CFAP92: variants seen among roughly 807,000 people sequenced by gnomAD.
CFAP92 encodes the protein cilia and flagella associated protein 92 (putative).
In CFAP92, 86 loss-of-function variants were observed where a neutral mutation model predicts 106.3. That is an observed-to-expected ratio of 0.81 (90% confidence interval 0.68 to 0.97). The LOEUF (loss-of-function observed/expected upper bound fraction) is 0.97. Ranked by LOEUF, CFAP92 falls within the 50% of genes least tolerant of loss-of-function variation. The probability of loss-of-function intolerance (pLI) is 0.00; values close to 1 mark genes in which losing one functional copy is unlikely to be tolerated. For synonymous variants in CFAP92, 477 were observed against 506.4 expected (o/e 0.94, Z 0.78); for missense variants, 1,204 against 1,283.8 (o/e 0.94, Z 0.95).
intron 9 of CFAP92, among the ~76,000 whole-genome samples, chr3:128,964,640 G>T (rs1942226317): frequency 6.6e-6 from 1 of 152,158 alleles, no homozygotes; most frequent in Admixed American, 6.5e-5. Context: ...CCAATTCTTA[G>T]ACCTTTTATA....
In CFAP92 at chr3:128,945,699, A is replaced by T. The variant is rs1458986127; in HGVS notation, c.1630T>A (p.Ser544Thr). 6.5e-7 allele frequency: 1 copy of T among 1,535,842 alleles called. No homozygotes were observed. Among genetic ancestry groups the T allele is most frequent in the Non-Finnish European group, 8.7e-7 (1 of 1,146,902 alleles). ...GGGTTGTTCTCTGTCTCTCTGGGAG[A>T]GATGAGGGCCTGGAAGTTGAGGTAT... The part of the protein sequence containing the change: ...DSYLNFQALI[S>T]PRETENNPFE... The change falls in exon 10 of 16, where the codon TCT (serine) becomes ACT (threonine). Residue 544 changes from serine to threonine, a missense_variant. Physicochemically the swap from Ser to Thr is moderately conservative, Grantham distance 58. Transcript: ENST00000645291.
Position 128,991,187 on chromosome 3 carries a change from A to C in CFAP92, c.262+1856T>G, listed in dbSNP as rs138115244. ...TGAGGGCTAAAGGAGGTCAAGTGCCAATTTTCTTTTGGTTGGTATTTGCCA... is the reference window on the plus strand; with the variant it reads ...TGAGGGCTAAAGGAGGTCAAGTGCCCATTTTCTTTTGGTTGGTATTTGCCA... On this transcript the variant is annotated intron_variant, in intron 2 of 15. Transcript: ENST00000645291. Among the ~76,000 whole-genome samples the C allele has an allele frequency of 4.7e-3, 719 of 152,286 alleles. 4 individuals carry two copies. Among genetic ancestry groups the C allele is most frequent in the African/African-American group, 0.016 (672 of 41,546 alleles).
At chr3:128,971,103 G>T in intron 8 of CFAP92, 184 bp downstream of exon 8, 1 of 825,580 alleles carries the variant, frequency 1.2e-6, no homozygotes, top group Non-Finnish European at 1.9e-6. Context: ...AGGCAAGGTA[G>T]CTACCCTCTC....
chr3:129,001,221 G>C (rs931738079), intron 1 of CFAP92, among the ~76,000 whole-genome samples: 1 of 152,224 alleles, frequency 6.6e-6, no homozygotes, highest in Non-Finnish European at 1.5e-5. Flanking sequence ...CCCAGGTCTC[G>C]GAGCGAACTC....
upstream of CFAP92, chr3:128,994,162 C>G: frequency 4.1e-6 from 4 of 985,516 alleles, no homozygotes; most frequent in South Asian, 1.4e-4. Context: ...CGAGGGCGTG[C>G]GGCCTGGGGG....
At chr3:128,959,304 T>G (rs1046669707) in intron 9 of CFAP92, among the ~76,000 whole-genome samples, 2 of 152,020 alleles carry the variant, frequency 1.3e-5, no homozygotes, top group African/African-American at 2.4e-5. Context: ...AGGTTCAACT[T>G]CAATGAAAAT....
rs1408275214 is a variant in CFAP92 at position 128,945,977 on chromosome 3, T to C, written c.1354-2A>G. The C allele has an allele frequency of 2.1e-6, 3 of 1,428,196 alleles. No individual in the cohort carries two copies. Among genetic ancestry groups the C allele is most frequent in the Admixed American group, 3.0e-5 (1 of 33,384 alleles). The allele number at this position is 1,428,196 out of a possible 1,614,324, so 88.5% of individuals were successfully genotyped here. ...GCAGTACACAGGCATGCACAGCCTC[T>C]ACGAGAGAGCAGGGCCACAGCAGGT... On this transcript the variant is annotated splice_acceptor_variant, in intron 9 of 15. Transcript: ENST00000645291. LOFTEE classifies it high-confidence loss of function.
At chr3:128,997,971 C>T (rs1944542515), upstream of CFAP92, among the ~76,000 whole-genome samples, 1 of 152,148 alleles carries the variant, frequency 6.6e-6, no homozygotes, top group Non-Finnish European at 1.5e-5. Flanking sequence ...GATTTATTGC[C>T]TGTTTTATTC....
intron 12 of CFAP92, among the ~76,000 whole-genome samples, chr3:128,921,637 C>G (rs992084792): frequency 6.6e-6 from 1 of 152,196 alleles, no homozygotes; most frequent in Non-Finnish European, 1.5e-5. Context: ...AATCAAAAGG[C>G]AAAAACTACC....
chr3:128,994,802 G>T (rs539399507), upstream of CFAP92, among the ~76,000 whole-genome samples: 24 of 152,200 alleles, frequency 1.6e-4, no homozygotes, highest in Non-Finnish European at 3.1e-4. Flanking sequence ...TGGGACAGAG[G>T]GCTGGGGTAG....
At chr3:129,016,739 G>C in the CFAP92 span, among the ~76,000 whole-genome samples, 1 of 152,092 alleles carries the variant, frequency 6.6e-6, no homozygotes, top group African/African-American at 2.4e-5. Flanking sequence ...GAGGCAGGAG[G>C]GGGCGGAACT....
chr3:128,952,034 A>G (rs1375746882), intron 9 of CFAP92, among the ~76,000 whole-genome samples: 1 of 151,528 alleles, frequency 6.6e-6, no homozygotes, highest in African/African-American at 2.4e-5. Context: ...TGAGATGGTA[A>G]CTCTCTCATC....
Position 128,945,835 on chromosome 3 carries a change from T to G in CFAP92, c.1494A>C (p.Leu498=), listed in dbSNP as rs781608419. 1 of 1,515,350 alleles carries G rather than the reference T, an allele frequency of 6.6e-7. No individual in the cohort carries two copies. 93.9% of individuals were successfully genotyped at this position (1,515,350 alleles called of 1,614,324 possible). ...TGGGGGGGCCCTCCAGGTATTCCCTTAGGTCACTGGGGTGCAGTGCCCCAA... is the reference window on the plus strand; with the variant it reads ...TGGGGGGGCCCTCCAGGTATTCCCTGAGGTCACTGGGGTGCAGTGCCCCAA... ...IFLGALHPSD[L]REYLEGPPMV... Residue 498 remains leucine, a synonymous_variant, in exon 10 of 16, where the codon CTA becomes CTC. Coordinates refer to ENST00000645291, the MANE Select transcript of CFAP92 (RefSeq NM_001394090.1).
chr3:129,005,220 G>A (rs79239868), upstream of CFAP92, among the ~76,000 whole-genome samples: 3,081 of 152,370 alleles, frequency 0.02, 117 homozygotes, highest in African/African-American at 0.069. Context: ...GAACAGATGC[G>A]TGGCAGCAGG....
chr3:128,948,155 C>T (rs925677640), intron 9 of CFAP92, among the ~76,000 whole-genome samples: 2 of 151,966 alleles, frequency 1.3e-5, no homozygotes, highest in African/African-American at 4.8e-5. Flanking sequence ...CAACAACAGA[C>T]TTAAATCCAG....
intron 9 of CFAP92, among the ~76,000 whole-genome samples, chr3:128,962,914 C>T (rs1329900354): frequency 5.3e-5 from 8 of 152,298 alleles, no homozygotes; most frequent in South Asian, 4.1e-4. Flanking sequence ...ATCCTCAATA[C>T]CTTCCTCTAC....
At chr3:128,994,866 G>A (rs1944422731), upstream of CFAP92, among the ~76,000 whole-genome samples, 1 of 152,180 alleles carries the variant, frequency 6.6e-6, no homozygotes, top group Non-Finnish European at 1.5e-5. Flanking sequence ...AGGCAGAGGC[G>A]GTGAAAGCAA....
the CFAP92 span, among the ~76,000 whole-genome samples, chr3:129,019,031 C>T: frequency 1.3e-5 from 2 of 152,316 alleles, no homozygotes; most frequent in East Asian, 1.9e-4. Context: ...CCCACACCAC[C>T]GTGCAGCAGC....
upstream of CFAP92, among the ~76,000 whole-genome samples, chr3:128,996,997 G>A (rs574845726): frequency 8.5e-5 from 13 of 152,354 alleles, no homozygotes; most frequent in Admixed American, 7.8e-4. Context: ...GGACCTAGGC[G>A]TGGAACCAGC....
Sources: gnomAD v4.1 joint callset for allele counts (sites outside exome capture counted in the v4.1 genomes callset) on GRCh38, gnomAD v4.1.1 for gene constraint, MANE v1.5 for transcripts, NCBI Gene and HGNC (gene_info 2026-07-23, HGNC 2026-07-21) for gene names.